The following DOCK4 variants were observed in gnomAD, a reference collection of about 807,000 sequenced individuals.
DOCK4 encodes the protein dedicator of cytokinesis 4, also known as dedicator of cytokinesis protein 4.
A neutral mutation model predicts 268.1 loss-of-function variants in DOCK4; 97 were observed. The ratio of observed to expected loss-of-function variants is 0.36; its 90% CI spans 0.31 to 0.43. DOCK4 has a LOEUF of 0.43. DOCK4 is among the 20% of genes least tolerant of loss of function. The pLI, the probability that DOCK4 is intolerant of heterozygous loss-of-function variation, is 1.00. For missense variants in DOCK4, 2,145 were observed against 2,455.7 expected (o/e 0.87, Z 2.67); for synonymous variants, 954 against 887.2 (o/e 1.08, Z -1.34).
At chr7:111,847,618 C>T (rs1804219042) in intron 23 of DOCK4, among the ~76,000 whole-genome samples, 1 of 152,116 alleles carries the variant, frequency 6.6e-6, no homozygotes, top group Admixed American at 6.5e-5. Context: ...CCTATACTGT[C>T]CTTGTGGTAG....
Position 112,049,364 on chromosome 7 carries a change from TTAAG to T in DOCK4, c.38-45237_38-45234del, listed in dbSNP as rs530062009. Among the ~76,000 whole-genome samples, 240 of 152,192 alleles carry T rather than the reference TTAAG, an allele frequency of 1.6e-3. 3 individuals are homozygous for T. Among genetic ancestry groups the T allele is most frequent in the East Asian group, 4.1e-3 (21 of 5,184 alleles). ...AAGTTAAAGATGTATGTTAAAACCT[TTAAG>T]TAATCATTAAATAAAAGAGACTTAC... is the stretch of plus-strand genomic sequence containing the variant. On this transcript the variant is annotated intron_variant, in intron 1 of 52. Transcript: ENST00000428084.
chr7:111,779,511 C>T (rs1300096976), intron 35 of DOCK4, among the ~76,000 whole-genome samples: 1 of 152,198 alleles, frequency 6.6e-6, no homozygotes, highest in Non-Finnish European at 1.5e-5. Flanking sequence ...GATTCTCCTG[C>T]CTCAGCCTCC....
intron 5 of DOCK4, among the ~76,000 whole-genome samples, chr7:111,991,789 G>A (rs770003403): frequency 6.6e-6 from 1 of 151,568 alleles, no homozygotes; most frequent in East Asian, 1.9e-4. Flanking sequence ...GTGAAACCCC[G>A]TCTCTACTAA....
At chr7:112,173,887 G>C (rs1563156585) in intron 1 of DOCK4, among the ~76,000 whole-genome samples, 1 of 152,134 alleles carries the variant, frequency 6.6e-6, no homozygotes, top group Non-Finnish European at 1.5e-5. Context: ...TGTGCGGCCT[G>C]ACAACAGCAA....
At chr7:111,836,568 T>C (rs1358455673) in intron 25 of DOCK4, among the ~76,000 whole-genome samples, 1 of 151,926 alleles carries the variant, frequency 6.6e-6, no homozygotes. Flanking sequence ...GATCCAGAAA[T>C]GACATAGATA....
chr7:111,959,659 T>C (rs1330902305), intron 8 of DOCK4, among the ~76,000 whole-genome samples: 2 of 152,226 alleles, frequency 1.3e-5, no homozygotes, highest in Non-Finnish European at 2.9e-5. Flanking sequence ...TGTAAGCTCT[T>C]GAAAAATTTT....
At position 111,746,546 on chromosome 7, in the gene DOCK4, C is replaced by T. The variant is rs939752373; in HGVS notation, c.4594-129G>A. ...CAAACCACATTTTGGGACAGATGGG[C>T]TGATTACTAGTGTAGGTGGTTGGTC... On this transcript the variant is annotated intron_variant, in intron 43 of 52. Coordinates refer to ENST00000428084, the MANE Select transcript of DOCK4 (RefSeq NM_001363540.2). 1.0e-5 allele frequency: 7 copies of T among 680,536 alleles called. No individual in the cohort carries two copies. The African/African-American group carries it at 1.2e-4, about 12-fold the overall frequency. The allele number at this position is 680,536 out of a possible 1,614,324, so 42.2% of individuals were successfully genotyped here. A position where few individuals can be genotyped will look rare whatever the true frequency, so the allele number is the denominator to read the frequency against.
intron 1 of DOCK4, among the ~76,000 whole-genome samples, chr7:112,119,762 C>A (rs530499425): frequency 6.6e-6 from 1 of 152,086 alleles, no homozygotes; most frequent in Non-Finnish European, 1.5e-5. Context: ...TAATGGAACC[C>A]ATCTCATGCA....
At chr7:112,136,495 C>T (rs1362108628) in intron 1 of DOCK4, among the ~76,000 whole-genome samples, 1 of 152,198 alleles carries the variant, frequency 6.6e-6, no homozygotes, top group Non-Finnish European at 1.5e-5. Flanking sequence ...CTCACACATG[C>T]GTAACACCTA....
intron 4 of DOCK4, among the ~76,000 whole-genome samples, chr7:111,996,374 C>T (rs1286618802): frequency 1.3e-5 from 2 of 152,156 alleles, no homozygotes; most frequent in East Asian, 1.9e-4. Context: ...AATAGTCTGT[C>T]GTAAGTAGTT....
At chr7:111,928,406 C>T (rs551128732) in intron 12 of DOCK4, among the ~76,000 whole-genome samples, 1 of 152,238 alleles carries the variant, frequency 6.6e-6, no homozygotes, top group South Asian at 2.1e-4. Flanking sequence ...CTTCCATTCA[C>T]ATCATTTGGA....
chr7:111,960,489 A>ACCAT (rs202171245), intron 8 of DOCK4, among the ~76,000 whole-genome samples: 2,164 of 147,768 alleles, frequency 0.015, 16 homozygotes, highest in Middle Eastern at 0.067. Flanking sequence ...AAGCTAACCT[A>ACCAT]CCATGAGGTA....
At chr7:112,141,753 C>A (rs1442755891) in intron 1 of DOCK4, among the ~76,000 whole-genome samples, 1 of 152,138 alleles carries the variant, frequency 6.6e-6, no homozygotes, top group African/African-American at 2.4e-5. Flanking sequence ...GTCACTGGTG[C>A]AAATGTCTGT....
At chr7:112,139,476 C>T (rs1586904302) in intron 1 of DOCK4, among the ~76,000 whole-genome samples, 3 of 152,224 alleles carry the variant, frequency 2.0e-5, no homozygotes, top group African/African-American at 7.2e-5. Flanking sequence ...TAAAGGACAA[C>T]GTGTGACTAA....
chr7:111,784,224 T>A, intron 32 of DOCK4, 101 bp from the exon 33 acceptor site: 1 of 1,306,162 alleles, frequency 7.7e-7, no homozygotes, highest in South Asian at 1.3e-5. Flanking sequence ...TATACAAGCA[T>A]CTCACAGCTC....
intron 52 of DOCK4, among the ~76,000 whole-genome samples, chr7:111,730,776 A>G (rs1795030187): frequency 1.3e-5 from 2 of 152,122 alleles, no homozygotes; most frequent in African/African-American, 2.4e-5. Flanking sequence ...CTTCCTTCAA[A>G]CCCTACATAT....
intron 1 of DOCK4, among the ~76,000 whole-genome samples, chr7:112,019,865 T>A (rs1802164774): frequency 6.6e-6 from 1 of 152,216 alleles, no homozygotes; most frequent in Admixed American, 6.5e-5. Flanking sequence ...TTAAAAAAAA[T>A]TCTGCATTTT....
intron 8 of DOCK4, among the ~76,000 whole-genome samples, chr7:111,968,554 G>GA (rs1470420427): frequency 9.7e-6 from 1 of 102,894 alleles, no homozygotes; most frequent in African/African-American, 5.4e-5. Context: ...AAAAAGTCAG[G>GA]AAACAACAGG....
chr7:111,781,332 G>A (rs1477101029), intron 35 of DOCK4, among the ~76,000 whole-genome samples: 1 of 152,180 alleles, frequency 6.6e-6, no homozygotes, highest in Non-Finnish European at 1.5e-5. Context: ...ATACAAGCAC[G>A]AATGTGGGAG....
Sources: allele counts gnomAD v4.1 joint callset (sites outside exome capture counted in the v4.1 genomes callset), GRCh38; gene constraint gnomAD v4.1.1; transcripts MANE v1.5; gene names NCBI Gene and HGNC (gene_info 2026-07-23, HGNC 2026-07-21).